The following DPP9 variants were observed in gnomAD, a reference collection of about 807,000 sequenced individuals.
The protein encoded by DPP9 is dipeptidyl peptidase IV-related protein-2.
A neutral mutation model predicts 110.7 loss-of-function variants in DPP9; 50 were observed. The ratio of observed to expected loss-of-function variants is 0.45; its 90% CI spans 0.36 to 0.57. The LOEUF (loss-of-function observed/expected upper bound fraction) is 0.57. Among genes scored for constraint, DPP9 ranks in the 20% least tolerant of loss-of-function variants. The pLI is 0.00. For synonymous variants in DPP9, 561 were observed against 514.4 expected, an observed-to-expected ratio of 1.09 and a Z score of -1.23; for missense variants, 1,022 against 1,217.9, an observed-to-expected ratio of 0.84 and a Z score of 2.39.
intron 2 of DPP9, among the ~76,000 whole-genome samples, chr19:4,720,855 A>G (rs1203810641): frequency 1.3e-5 from 2 of 152,196 alleles, no homozygotes; most frequent in Non-Finnish European, 2.9e-5. Flanking sequence ...TCATATTAAT[A>G]CTGGAATAAA....
intron 2 of DPP9, among the ~76,000 whole-genome samples, chr19:4,720,645 T>C (rs1189581776): frequency 6.6e-6 from 1 of 152,132 alleles, no homozygotes; most frequent in Non-Finnish European, 1.5e-5. Flanking sequence ...CACTGGACAA[T>C]GTCTGGAGAC....
At chr19:4,722,443 A>C in intron 2 of DPP9, 56 bp downstream of exon 2, 1 of 698,126 alleles carries the variant, frequency 1.4e-6, no homozygotes, top group South Asian at 1.5e-5. Context: ...CAGGCAAAGG[A>C]ATCCCACCAG....
At position 4,710,747 on chromosome 19, in the gene DPP9, G is replaced by A. The variant is rs57900827; in HGVS notation, c.313+3334C>T. Among the ~76,000 whole-genome samples, 2,506 of 152,254 alleles carry A rather than the reference G, an allele frequency of 0.016. 61 individuals are homozygous for A. Among genetic ancestry groups the A allele is most frequent in the African/African-American group, 0.057 (2,386 of 41,542 alleles). ...GGGGGGAGGCCTGCCCCGAGAACCT[G>A]GATGTGACGTGAGCTCAGTGCTGCC... On this transcript the variant is annotated intron_variant, in intron 4 of 21. Transcript: ENST00000262960. This position sits in a 1 kb window ranked among gnomAD's most constrained non-coding sequence, Gnocchi z 5.6.
At position 4,676,187 on chromosome 19, in the gene DPP9, G is replaced by A. The variant is rs921623523; in HGVS notation, c.*377C>T. The A allele has an allele frequency of 8.9e-5, 20 of 223,960 alleles. No individual in the cohort carries two copies. The highest frequency in any genetic ancestry group is 7.1e-4 in the South Asian group (8 of 11,236). The allele number at this position is 223,960 out of a possible 1,614,324, so 13.9% of individuals were successfully genotyped here. On this transcript the variant is annotated 3_prime_UTR_variant, in exon 22 of 22. Coordinates refer to ENST00000262960, the MANE Select transcript of DPP9 (RefSeq NM_139159.5). This position sits in a 1 kb window ranked among gnomAD's most constrained non-coding sequence, Gnocchi z 4.0. ...TGCTTGGGTGCTGGGGACGGTGGCT[G>A]GCCGGGCCAGGGGACTGAGAGGTCA...
chr19:4,705,780 A>G, intron 5 of DPP9, 78 bp downstream of exon 5: 1 of 1,399,424 alleles, frequency 7.1e-7, no homozygotes, highest in Non-Finnish European at 1.0e-6. Context: ...AGGTGACCGA[A>G]GGCATGTATG....
intron 3 of DPP9, among the ~76,000 whole-genome samples, chr19:4,717,218 C>T (rs920480689): frequency 6.6e-6 from 1 of 152,200 alleles, no homozygotes; most frequent in African/African-American, 2.4e-5. Context: ...AATAAAGACA[C>T]GAACCAAAGG....
chr19:4,687,884 G>T lies in DPP9; in HGVS notation c.1885+873C>A, dbSNP rs568721648. 1.3e-5 allele frequency among the ~76,000 whole-genome samples: 2 copies of T among 152,186 alleles called. No individual in the cohort carries two copies. Among genetic ancestry groups the T allele is most frequent in the East Asian group, 3.9e-4 (2 of 5,176 alleles). ...GCGATCTCAGCTCACTGCAACCTCTGTGTCCTGGGCTCAGGCCATTCTCTT... is the reference window on the plus strand; with the variant it reads ...GCGATCTCAGCTCACTGCAACCTCTTTGTCCTGGGCTCAGGCCATTCTCTT... On this transcript the variant is annotated intron_variant, in intron 16 of 21. Coordinates refer to ENST00000262960, the MANE Select transcript of DPP9 (RefSeq NM_139159.5). This position sits in a 1 kb window ranked among gnomAD's most constrained non-coding sequence, Gnocchi z 4.7.
chr19:4,683,823 T>C, intron 18 of DPP9, 194 bp from the exon 19 acceptor site: 20 of 1,534,496 alleles, frequency 1.3e-5, no homozygotes, highest in Non-Finnish European at 1.7e-5. Flanking sequence ...GCAGCCATCT[T>C]GCTCTGCCAC....
chr19:4,687,590 G>A lies in DPP9; in HGVS notation c.1885+1167C>T, dbSNP rs1365401308. 6.6e-6 allele frequency among the ~76,000 whole-genome samples: 1 copy of A among 152,152 alleles called. No homozygotes were observed. The highest frequency in any genetic ancestry group is 2.4e-5 in the African/African-American group (1 of 41,438). ...CCCTTTGCTCCTTTTCCTGATAAAG[G>A]CCTCGGAGTGTCGGCTCTGAGCAGG... On this transcript the variant is annotated intron_variant, in intron 16 of 21. Coordinates refer to ENST00000262960, the MANE Select transcript of DPP9 (RefSeq NM_139159.5). The surrounding 1 kb of genome is among the most constrained non-coding windows in gnomAD (Gnocchi z 4.7).
intron 2 of DPP9, among the ~76,000 whole-genome samples, chr19:4,721,183 C>T (rs1427885330): frequency 6.6e-6 from 1 of 152,240 alleles, no homozygotes; most frequent in Non-Finnish European, 1.5e-5. Context: ...CCCTCCCACT[C>T]CTCTGCCAAG....
At chr19:4,679,577 T>G in intron 21 of DPP9, 2 of 501,102 alleles carry the variant, frequency 4.0e-6, no homozygotes, top group South Asian at 2.4e-5. Context: ...GGAGCAGGGG[T>G]GGGTGTGGCA....
chr19:4,702,628 C>T lies in DPP9; in HGVS notation c.858G>A (p.Trp286Ter). ...CTTCCCAGGAGGCTGTGGGGCACCA[C>T]CAGTACCCAGTGAAGCGGTCGAACT... ...QEEFDRFTGY[W>*]WCPTASWEGS... The change falls in exon 8 of 22, where the codon TGG (tryptophan) becomes TGA (stop). Residue 286 changes from tryptophan (W) to a stop codon, truncating the protein, a stop_gained. Coordinates refer to ENST00000262960, the MANE Select transcript of DPP9 (RefSeq NM_139159.5). LOFTEE classifies it high-confidence loss of function. The T allele has an allele frequency of 6.2e-7, 1 of 1,602,532 alleles. No individual in the cohort carries two copies. Among genetic ancestry groups the T allele is most frequent in the Non-Finnish European group, 8.5e-7 (1 of 1,174,902 alleles).
In DPP9 at chr19:4,695,876, G is replaced by A. The variant is rs866818982; in HGVS notation, c.1176-321C>T. 5.9e-5 allele frequency among the ~76,000 whole-genome samples: 9 copies of A among 152,030 alleles called. No individual in the cohort carries two copies. The highest frequency in any genetic ancestry group is 4.2e-4 in the South Asian group (2 of 4,816). On this transcript the variant is annotated intron_variant, in intron 11 of 21. Coordinates refer to ENST00000262960, the MANE Select transcript of DPP9 (RefSeq NM_139159.5). The surrounding 1 kb of genome is among the most constrained non-coding windows in gnomAD (Gnocchi z 4.7). ...GCCCACAGTCGCTATCCTTTATTTC[G>A]TAGTTTGCTTTATTTTATTTATTTA...
intron 5 of DPP9, among the ~76,000 whole-genome samples, chr19:4,705,284 T>A (rs2092525084): frequency 6.6e-6 from 1 of 152,216 alleles, no homozygotes; most frequent in Non-Finnish European, 1.5e-5. Flanking sequence ...AGTGCAATGG[T>A]GAGATCACGG....
chr19:4,711,671 G>A (rs2092834925), intron 4 of DPP9, among the ~76,000 whole-genome samples: 1 of 151,142 alleles, frequency 6.6e-6, no homozygotes, highest in African/African-American at 2.4e-5. Context: ...TACTCGGGAG[G>A]CTGAGGTAGG....
intron 21 of DPP9, 61 bp downstream of exon 21, chr19:4,679,773 AC>A (rs1599857126): frequency 6.8e-6 from 8 of 1,173,906 alleles, no homozygotes; most frequent in Non-Finnish European, 8.7e-6. Flanking sequence ...GCCTCGTCCC[AC>A]CCCCCACTCC....
chr19:4,677,358 C>T (rs1235732222), intron 21 of DPP9, among the ~76,000 whole-genome samples: 1 of 152,098 alleles, frequency 6.6e-6, no homozygotes, highest in African/African-American at 2.4e-5. Flanking sequence ...ATGAAAATAA[C>T]CCTACGTTCT....
intron 16 of DPP9, among the ~76,000 whole-genome samples, chr19:4,686,933 C>T (rs781155275): frequency 2.0e-5 from 3 of 152,194 alleles, no homozygotes; most frequent in Non-Finnish European, 4.4e-5. Flanking sequence ...AGAGGGACTG[C>T]ACGTGGCTGG....
rs904775981 is a variant in DPP9, at chr19:4,693,855, G to A, written c.1516+806C>T. Among the ~76,000 whole-genome samples, 2 of 151,622 alleles carry A rather than the reference G, an allele frequency of 1.3e-5. No individual in the cohort carries two copies. The highest frequency in any genetic ancestry group is 2.9e-5 in the Non-Finnish European group (2 of 67,882). The stretch of plus-strand genomic sequence containing the variant: ...CTCTCCCCCTCCTCCCTGTGCTCCA[G>A]CCACAGGGGCCTCCTCCCTATTCCT... On this transcript the variant is annotated intron_variant, in intron 13 of 21. Transcript: ENST00000262960. This position sits in a 1 kb window ranked among gnomAD's most constrained non-coding sequence, Gnocchi z 5.0.
Sources: gnomAD v4.1 joint callset for allele counts (sites outside exome capture counted in the v4.1 genomes callset) on GRCh38, gnomAD v4.1.1 for gene constraint, Gnocchi (gnomAD v3.1) non-coding constraint, MANE v1.5 for transcripts, NCBI Gene and HGNC (gene_info 2026-07-23, HGNC 2026-07-21) for gene names.